DNAH17: variants seen among roughly 807,000 people sequenced by gnomAD.
The protein encoded by DNAH17 is axonemal beta dynein heavy chain 17.
In DNAH17, 376 loss-of-function variants were observed where a neutral mutation model predicts 485.6. The observed-to-expected ratio is 0.77, with a 90% CI of 0.71 to 0.84. The LOEUF is 0.84. DNAH17 is among the 40% of genes least tolerant of loss of function. DNAH17 has a pLI of 0.00. For missense variants in DNAH17, 6,370 were observed against 5,839.3 expected (o/e 1.09, Z -2.96); for synonymous variants, 3,031 against 2,405.9 (o/e 1.26, Z -7.60).
In DNAH17 at chr17:78,486,323, C is replaced by T. The variant is rs368448454; in HGVS notation, c.7002G>A (p.Thr2334=). Residue 2334 remains threonine, a synonymous_variant, in exon 45 of 81, where the codon ACG becomes ACA. Coordinates refer to ENST00000389840, the MANE Select transcript of DNAH17 (RefSeq NM_173628.4). ...TILYLLECLL[T]EKTVPPDSPR... is the part of the protein sequence containing the mutation. ...GGGAGTCGGGGGGCACGGTCTTCTC[C>T]GTGAGCAGGCACTCCAGCAGGTACA... 229 of 1,613,660 alleles carry T rather than the reference C, an allele frequency of 1.4e-4. No individual in the cohort carries two copies. In the African/African-American group the frequency reaches 1.8e-3, roughly 12 times the overall value.
intron 16 of DNAH17, among the ~76,000 whole-genome samples, chr17:78,551,266 C>T (rs188442068): frequency 1.3e-5 from 2 of 152,326 alleles, no homozygotes; most frequent in East Asian, 3.9e-4. Flanking sequence ...AGATCTCTTT[C>T]CACCCCTTGC....
At chr17:78,512,176 G>C (rs904251351) in intron 26 of DNAH17, among the ~76,000 whole-genome samples, 2 of 152,218 alleles carry the variant, frequency 1.3e-5, no homozygotes, top group African/African-American at 4.8e-5. Flanking sequence ...TCCTGCATAG[G>C]TACGGATCTC....
At chr17:78,565,350 C>A (rs1417714411) in intron 11 of DNAH17, among the ~76,000 whole-genome samples, 1 of 152,266 alleles carries the variant, frequency 6.6e-6, no homozygotes, top group African/African-American at 2.4e-5. Flanking sequence ...GGAACACCAA[C>A]TCGATCCAAG....
At position 78,501,196 on chromosome 17, in the gene DNAH17, G is replaced by A; in HGVS notation, c.5471C>T (p.Pro1824Leu). 6.3e-7 allele frequency: 1 copy of A among 1,584,764 alleles called. No homozygotes were observed. Among genetic ancestry groups the A allele is most frequent in the Non-Finnish European group, 8.6e-7 (1 of 1,158,086 alleles). The change falls in exon 35 of 81, where the codon CCA (proline) becomes CTA (leucine). Residue 1824 changes from proline to leucine, a missense_variant. Physicochemically the swap from Pro to Leu is moderately conservative, Grantham distance 98. Coordinates refer to ENST00000389840, the MANE Select transcript of DNAH17 (RefSeq NM_173628.4). ...LGNTPRLVIT[P>L]LTDRCYITLT... The stretch of plus-strand genomic sequence containing the variant: ...GGACGGGCCTCACCTGTCAGTGAGT[G>A]GGGTGATGACCAGCCGCGGCGTGTT...
intron 62 of DNAH17, among the ~76,000 whole-genome samples, chr17:78,458,175 A>T (rs1310467326): frequency 6.6e-6 from 1 of 152,194 alleles, no homozygotes; most frequent in Non-Finnish European, 1.5e-5. Context: ...ACCTGGCATT[A>T]TATCCCTAGT....
intron 25 of DNAH17, among the ~76,000 whole-genome samples, chr17:78,521,504 C>G (rs1006930291): frequency 3.3e-5 from 5 of 152,034 alleles, no homozygotes; most frequent in East Asian, 1.9e-4. Flanking sequence ...AATAAATGAA[C>G]CTTAACCCAA....
chr17:78,486,624 C>T lies in DNAH17; in HGVS notation c.6819-118G>A, dbSNP rs1449417679. The T allele has an allele frequency of 3.1e-6, 4 of 1,285,994 alleles. No homozygotes were observed. The African/African-American group carries it at 4.5e-5, about 14-fold the overall frequency. 79.7% of individuals were successfully genotyped at this position (1,285,994 alleles called of 1,614,324 possible). ...ATTCTGCTGGGGCTGCCCTCAGGGT[C>T]ACCATGCCTGCATGGCAATGGGTCC... On this transcript the variant is annotated intron_variant, in intron 44 of 80. Transcript: ENST00000389840.
Position 78,449,492 on chromosome 17 carries a change from G to A in DNAH17, c.11133C>T (p.Thr3711=). 1 of 1,577,202 alleles carries A rather than the reference G, an allele frequency of 6.3e-7. No individual in the cohort carries two copies. Among genetic ancestry groups the A allele is most frequent in the Non-Finnish European group, 8.6e-7 (1 of 1,161,264 alleles). The change falls in exon 69 of 81, where the codon ACC becomes ACT. Residue 3711 remains threonine, a synonymous_variant. Transcript: ENST00000389840. ...GGGCCGTGTACATGTAGACGGAGTA[G>A]GTGATCTCGTCCGTCAGGTTGATCA... The part of the protein sequence containing the change: ...QRVINLTDEI[T]YSVYMYTARG...
intron 27 of DNAH17, 63 bp downstream of exon 27, chr17:78,510,321 G>T: frequency 1.9e-6 from 3 of 1,589,670 alleles, no homozygotes; most frequent in Non-Finnish European, 2.6e-6. Flanking sequence ...GCTCTCAGTG[G>T]TTGGAGGGGG....
At chr17:78,501,089 G>A in intron 35 of DNAH17, 95 bp downstream of exon 35, 2 of 1,400,490 alleles carry the variant, frequency 1.4e-6, no homozygotes, top group South Asian at 1.6e-5. Context: ...AGTCCTTCCA[G>A]CCTCCACAGC....
chr17:78,472,444 C>G (rs1282579410), intron 54 of DNAH17, among the ~76,000 whole-genome samples: 2 of 152,154 alleles, frequency 1.3e-5, no homozygotes, highest in Non-Finnish European at 2.9e-5. Context: ...GGCTGCTTCT[C>G]ACCCCTTCCC....
chr17:78,519,957 A>G (rs2090893249), intron 25 of DNAH17, among the ~76,000 whole-genome samples: 1 of 152,032 alleles, frequency 6.6e-6, no homozygotes, highest in African/African-American at 2.4e-5. Context: ...TAAAAATACA[A>G]AAAATTAGCT....
At position 78,469,448 on chromosome 17, in the gene DNAH17, A is replaced by C. The variant is rs150560546; in HGVS notation, c.8512-565T>G. On this transcript the variant is annotated intron_variant, in intron 54 of 80. Transcript: ENST00000389840. ...GAGCCACTGTGCCCGGCCCACAGGG[A>C]CAACTTTCTAAGAAACACAGGCCAG... Among the ~76,000 whole-genome samples the C allele has an allele frequency of 4.8e-3, 730 of 152,218 alleles. 7 individuals are homozygous for C. The highest frequency in any genetic ancestry group is 0.021 in the East Asian group (108 of 5,178).
chr17:78,558,397 G>T, intron 13 of DNAH17, 143 bp from the exon 14 acceptor site: 1 of 1,034,498 alleles, frequency 9.7e-7, no homozygotes, highest in Non-Finnish European at 1.4e-6. Flanking sequence ...GTATTTGTTG[G>T]CAGGACCAGG....
intron 77 of DNAH17, 149 bp downstream of exon 77, chr17:78,428,369 GCCATACC>G: frequency 1.1e-6 from 1 of 885,464 alleles, no homozygotes; most frequent in Non-Finnish European, 1.8e-6. Flanking sequence ...CAGCCTGCGG[GCCATACC>G]CCAGTGTTTC....
At chr17:78,480,375 G>A (rs2089298232) in intron 49 of DNAH17, among the ~76,000 whole-genome samples, 2 of 152,048 alleles carry the variant, frequency 1.3e-5, no homozygotes, top group South Asian at 2.1e-4. Context: ...AACAAAAAAA[G>A]AACGGTATGT....
At chr17:78,498,979 A>T in intron 37 of DNAH17, 29 bp downstream of exon 37, 1 of 1,558,558 alleles carries the variant, frequency 6.4e-7, no homozygotes, top group Non-Finnish European at 8.7e-7. Context: ...ACCCGACGTG[A>T]CCCCGAGGCC....
chr17:78,477,990 TCACCACCAC>T (rs1371268044), intron 51 of DNAH17, among the ~76,000 whole-genome samples: 2 of 105,872 alleles, frequency 1.9e-5, no homozygotes, highest in South Asian at 3.1e-4. Context: ...ATCACCACCA[TCACCACCAC>T]CATCATCACC....
chr17:78,485,793 T>A, intron 46 of DNAH17, 36 bp from the exon 47 acceptor site: 2 of 1,601,676 alleles, frequency 1.2e-6, no homozygotes, highest in Non-Finnish European at 1.7e-6. Context: ...GAGCTGTGAT[T>A]CTCAGACACT....
Sources: gnomAD v4.1 joint callset for allele counts (sites outside exome capture counted in the v4.1 genomes callset) on GRCh38, gnomAD v4.1.1 for gene constraint, MANE v1.5 for transcripts, NCBI Gene and HGNC (gene_info 2026-07-23, HGNC 2026-07-21) for gene names.